INSYN2A: variants seen among roughly 807,000 people sequenced by gnomAD.
INSYN2A encodes the protein inhibitory synaptic factor 2A.
Under a neutral mutation model 39.4 loss-of-function variants are expected in INSYN2A, and 17 were observed. The observed-to-expected ratio is 0.43, with a 90% CI of 0.30 to 0.65. The LOEUF is 0.65. INSYN2A is among the 30% of genes least tolerant of loss of function. The probability of loss-of-function intolerance (pLI) is 0.14; values close to 1 mark genes in which losing one functional copy is unlikely to be tolerated. For missense variants in INSYN2A, 595 were observed against 631.2 expected (o/e 0.94, Z 0.61); for synonymous variants, 255 against 265.7 (o/e 0.96, Z 0.39).
rs148807727 is a variant in INSYN2A, at chr10:127,178,809, G to A, written c.-268-1670C>T. Among the ~76,000 whole-genome samples the A allele has an allele frequency of 5.1e-3, 783 of 152,296 alleles. 5 individuals carry two copies. The highest frequency in any genetic ancestry group is 0.017 in the African/African-American group (726 of 41,554). On this transcript the variant is annotated intron_variant, in intron 2 of 5. Coordinates refer to ENST00000522781, the MANE Select transcript of INSYN2A (RefSeq NM_001039762.3). Reference sequence around the variant, plus strand: ...TGATAGGTGGAAGGAGGGACAAGGCGTGCCTGCTCAGGAGAAAGCATCGAT... The same window carrying A: ...TGATAGGTGGAAGGAGGGACAAGGCATGCCTGCTCAGGAGAAAGCATCGAT...
At chr10:127,147,405 G>C (rs1289075650) in intron 5 of INSYN2A, among the ~76,000 whole-genome samples, 1 of 152,138 alleles carries the variant, frequency 6.6e-6, no homozygotes, top group African/African-American at 2.4e-5. Flanking sequence ...CGATTATCTT[G>C]TTTTCTTTGG....
At chr10:127,190,665 T>TTCCCCCC (rs1564887696) in intron 2 of INSYN2A, among the ~76,000 whole-genome samples, 1 of 41,792 alleles carries the variant, frequency 2.4e-5, no homozygotes, top group African/African-American at 1.4e-4. Context: ...AATCCTATCT[T>TTCCCCCC]CCCCCCCCCC....
rs190948497 is a variant in INSYN2A at position 127,147,464 on chromosome 10, G to A, written c.1256+6388C>T. Among the ~76,000 whole-genome samples the A allele has an allele frequency of 8.5e-3, 1,285 of 152,056 alleles. 18 individuals are homozygous for A. The highest frequency in any genetic ancestry group is 0.029 in the African/African-American group (1,217 of 41,478). The stretch of plus-strand genomic sequence containing the variant: ...CCCTGGCTTCCTTCACCTCCTCCTC[G>A]CCTGCCTTTTACGTCCTTGCACCTG... On this transcript the variant is annotated intron_variant, in intron 5 of 5. Coordinates refer to ENST00000522781, the MANE Select transcript of INSYN2A (RefSeq NM_001039762.3).
intron 2 of INSYN2A, among the ~76,000 whole-genome samples, chr10:127,182,416 G>GGCTTGGT (rs1363764334): frequency 1.3e-5 from 2 of 152,084 alleles, no homozygotes; most frequent in Non-Finnish European, 2.9e-5. Context: ...GCATGCTTGG[G>GGCTTGGT]GCTTGGTGCT....
In INSYN2A at chr10:127,138,020, A is replaced by T. The variant is rs773054236; in HGVS notation, c.1257T>A (p.Ser419Arg). The change falls in exon 6 of 6, where the codon AGT becomes AGA. Residue 419 changes from serine (S) to arginine (R), a missense_variant and splice_region_variant. Physicochemically the swap from Ser to Arg is moderately radical, Grantham distance 110. Around this residue, in one of 2 missense-constraint regions of INSYN2A, gnomAD observed 117 missense variants for 163.8 expected, o/e 0.71. Coordinates refer to ENST00000522781, the MANE Select transcript of INSYN2A (RefSeq NM_001039762.3). ...TCRNSACIIY[S>R]VELDFKQQED... ...CTTGCTGCTTAAAATCCAGCTCCAC[A>T]CTAGAAAAGAGAGAGAGTGAAGACT... 1 of 1,604,508 alleles carries T rather than the reference A, an allele frequency of 6.2e-7. No individual in the cohort carries two copies. Among genetic ancestry groups the T allele is most frequent in the Non-Finnish European group, 8.5e-7 (1 of 1,177,130 alleles).
chr10:127,158,331 G>C (rs1426332050), intron 4 of INSYN2A, among the ~76,000 whole-genome samples: 2 of 152,214 alleles, frequency 1.3e-5, no homozygotes, highest in Non-Finnish European at 2.9e-5. Context: ...TGACAGTAGG[G>C]CTGGAGATCT....
Position 127,153,393 on chromosome 10 carries a change from C to T in INSYN2A, c.1256+459G>A, listed in dbSNP as rs142354300. On this transcript the variant is annotated intron_variant, in intron 5 of 5. Coordinates refer to ENST00000522781, the MANE Select transcript of INSYN2A (RefSeq NM_001039762.3). The stretch of plus-strand genomic sequence containing the variant: ...CTGGAGCAGGGATTCTGCCCGGAGA[C>T]AGGCAGGCAGCACAATCCTCGAGAG... 1.1e-4 allele frequency among the ~76,000 whole-genome samples: 16 copies of T among 152,278 alleles called. No individual in the cohort carries two copies. In the East Asian group the frequency reaches 2.7e-3, roughly 26 times the overall value.
In INSYN2A at chr10:127,137,777, T is replaced by C; in HGVS notation, c.*60A>G. On this transcript the variant is annotated 3_prime_UTR_variant, in exon 6 of 6. Transcript: ENST00000522781. ...CTCGATCCTATTCATTTTGGAAAAG[T>C]ATTGACTTAAACTCCAGTGGGTTCT... The C allele has an allele frequency of 1.4e-6, 2 of 1,476,564 alleles. No individual in the cohort carries two copies. Among genetic ancestry groups the C allele is most frequent in the Non-Finnish European group, 1.8e-6 (2 of 1,088,358 alleles). 91.5% of individuals were successfully genotyped at this position (1,476,564 alleles called of 1,614,324 possible). A position where few individuals can be genotyped will look rare whatever the true frequency, so the allele number is the denominator to read the frequency against.
At chr10:127,148,963 T>C (rs929015501) in intron 5 of INSYN2A, among the ~76,000 whole-genome samples, 2 of 152,146 alleles carry the variant, frequency 1.3e-5, no homozygotes, top group Admixed American at 1.3e-4. Context: ...GTCAGAAAGA[T>C]CACGTTTGGT....
chr10:127,158,578 C>A (rs77353929), intron 4 of INSYN2A, among the ~76,000 whole-genome samples: 13 of 152,070 alleles, frequency 8.5e-5, no homozygotes, highest in African/African-American at 2.9e-4. Context: ...TTGATGTAGC[C>A]AAGTCATAGA....
intron 5 of INSYN2A, among the ~76,000 whole-genome samples, chr10:127,152,792 C>A (rs1375162807): frequency 2.6e-5 from 4 of 152,212 alleles, no homozygotes; most frequent in Non-Finnish European, 4.4e-5. Context: ...GCCTTCGGTG[C>A]CTATCTCTAC....
chr10:127,155,286 G>A (rs551799460), intron 4 of INSYN2A, among the ~76,000 whole-genome samples: 1 of 152,134 alleles, frequency 6.6e-6, no homozygotes, highest in South Asian at 2.1e-4. Flanking sequence ...CAAAAGGATT[G>A]TCTGCTACAT....
chr10:127,195,908 G>A lies in INSYN2A; in HGVS notation c.-395+89C>T, dbSNP rs2057099872. 2.0e-5 allele frequency: 3 copies of A among 152,228 alleles called. 1 individual carries two copies. The South Asian group carries it at 6.2e-4, about 31-fold the overall frequency. The allele number at this position is 152,228 out of a possible 1,614,324, so 9.4% of individuals were successfully genotyped here. A position where few individuals can be genotyped will look rare whatever the true frequency, so the allele number is the denominator to read the frequency against. On this transcript the variant is annotated intron_variant, in intron 1 of 5. Coordinates refer to ENST00000522781, the MANE Select transcript of INSYN2A (RefSeq NM_001039762.3). The stretch of plus-strand genomic sequence containing the variant: ...GGCCGAGTGTGTGCGCCCGAATCGG[G>A]GTCGGCGCCCGTCCCAGCGGTGCTC...
chr10:127,162,255 A>T (rs985048663), intron 4 of INSYN2A, among the ~76,000 whole-genome samples: 2 of 152,166 alleles, frequency 1.3e-5, no homozygotes, highest in Non-Finnish European at 2.9e-5. Context: ...CTGAATATGA[A>T]CATGCATTTT....
chr10:127,163,583 T>C (rs1007895090), intron 4 of INSYN2A, among the ~76,000 whole-genome samples: 3 of 152,184 alleles, frequency 2.0e-5, no homozygotes, highest in Non-Finnish European at 4.4e-5. Flanking sequence ...TTGGGTGAAC[T>C]GATAACATGC....
At chr10:127,151,174 A>G (rs1015805506) in intron 5 of INSYN2A, among the ~76,000 whole-genome samples, 1 of 152,130 alleles carries the variant, frequency 6.6e-6, no homozygotes, top group South Asian at 2.1e-4. Flanking sequence ...TTAAACTTTA[A>G]TTATTTCCAT....
chr10:127,137,646 G>T lies in INSYN2A; in HGVS notation c.*191C>A. 2 of 484,682 alleles carry T rather than the reference G, an allele frequency of 4.1e-6. No individual in the cohort carries two copies. Among genetic ancestry groups the T allele is most frequent in the Non-Finnish European group, 7.2e-6 (2 of 277,142 alleles). 30.0% of individuals were successfully genotyped at this position (484,682 alleles called of 1,614,324 possible). ...GTGAACTGCAAAGAACAGCTGGCAAGGAGTGACACAGAATACCTTGCTTCT... is the reference window on the plus strand; with the variant it reads ...GTGAACTGCAAAGAACAGCTGGCAATGAGTGACACAGAATACCTTGCTTCT... On this transcript the variant is annotated 3_prime_UTR_variant, in exon 6 of 6. Coordinates refer to ENST00000522781, the MANE Select transcript of INSYN2A (RefSeq NM_001039762.3).
At chr10:127,173,895 G>A (rs545862825) in intron 4 of INSYN2A, among the ~76,000 whole-genome samples, 4 of 152,160 alleles carry the variant, frequency 2.6e-5, no homozygotes, top group African/African-American at 7.2e-5. Flanking sequence ...TGTACATTTG[G>A]CTGGCAGTTC....
chr10:127,175,402 C>A lies in INSYN2A; in HGVS notation c.994G>T (p.Gly332Trp). The change falls in exon 4 of 6, where the codon GGG becomes TGG. Residue 332 changes from glycine (G) to tryptophan (W), a missense_variant. By Grantham distance (184) the Gly-to-Trp change is radical (BLOSUM62 -2). Around this residue, in one of 2 missense-constraint regions of INSYN2A, gnomAD observed 478 missense variants for 467.4 expected, o/e 1.02. Transcript: ENST00000522781. This position sits in a 1 kb window ranked among gnomAD's most constrained non-coding sequence, Gnocchi z 6.3. The stretch of plus-strand genomic sequence containing the variant: ...ACCGCTGTGGGACTAGGCTGGTTCC[C>A]CAGCCCCGGCGGGGTGTGAGTCTGC... ...PSQTHTPPGL[G>W]NQPSPTAVAA... 2 of 1,613,640 alleles carry A rather than the reference C, an allele frequency of 1.2e-6. No individual in the cohort carries two copies. The highest frequency in any genetic ancestry group is 1.7e-6 in the Non-Finnish European group (2 of 1,180,044).
Sources: allele counts gnomAD v4.1 joint callset (sites outside exome capture counted in the v4.1 genomes callset), GRCh38; gene constraint gnomAD v4.1.1; regional missense constraint gnomAD v4.1.1; non-coding constraint Gnocchi (gnomAD v3.1); transcripts MANE v1.5; gene names NCBI Gene and HGNC (gene_info 2026-07-23, HGNC 2026-07-21).